Variants in GALNT9 observed in about 807,000 individuals in gnomAD.
GALNT9 encodes the protein GalNAc transferase 9.
In GALNT9, 47 loss-of-function variants were observed where a neutral mutation model predicts 63.1. The observed-to-expected ratio is 0.75, with a 90% CI of 0.59 to 0.95. GALNT9 has a LOEUF of 0.95. Ranked by LOEUF, GALNT9 falls within the 40% of genes least tolerant of loss-of-function variation. The pLI is 0.00. For missense variants in GALNT9, 829 were observed against 874.8 expected, an observed-to-expected ratio of 0.95 and a Z score of 0.66; for synonymous variants, 396 against 365.7, an observed-to-expected ratio of 1.08 and a Z score of -0.94.
At position 132,302,974 on chromosome 12, in the gene GALNT9, G is replaced by GA. The variant is rs1417691287; in HGVS notation, c.239-16545_239-16544insT. Among the ~76,000 whole-genome samples, 16 of 152,248 alleles carry GA rather than the reference G, an allele frequency of 1.1e-4. No homozygotes were observed. The South Asian group carries it at 1.7e-3, about 16-fold the overall frequency. On this transcript the variant is annotated intron_variant, in intron 1 of 10. Transcript: ENST00000328957. ...CCACTCCGGTGACCGTCTAAGGGGG[G>GA]CGAGGGTGGAACCCAGGGGCCTGTG...
chr12:132,200,413 C>T (rs1225002736), intron 8 of GALNT9: 1 of 152,254 alleles, frequency 6.6e-6, no homozygotes, highest in Non-Finnish European at 1.5e-5. Context: ...GTGTGCATAT[C>T]ACCCATTGTG....
At chr12:132,308,410 C>T (rs1377201402) in intron 1 of GALNT9, among the ~76,000 whole-genome samples, 7 of 152,242 alleles carry the variant, frequency 4.6e-5, no homozygotes, top group Non-Finnish European at 1.0e-4. Flanking sequence ...CACCCTGCCC[C>T]GGGCCCCAGC....
chr12:132,271,986 ACT>A lies in GALNT9; in HGVS notation c.420-9363_420-9362del, dbSNP rs1879883707. Among the ~76,000 whole-genome samples, 5 of 151,658 alleles carry A rather than the reference ACT, an allele frequency of 3.3e-5. No homozygotes were observed. The South Asian group carries it at 8.4e-4, about 25-fold the overall frequency. On this transcript the variant is annotated intron_variant, in intron 2 of 10. Transcript: ENST00000328957. ...GGGGACACGTTTGCCAACTGACCAA[ACT>A]CCAGTCACCAGCCACTGCCAGGGCC...
chr12:132,214,209 G>A (rs892959168), intron 6 of GALNT9, among the ~76,000 whole-genome samples: 13 of 152,166 alleles, frequency 8.5e-5, no homozygotes, highest in Admixed American at 2.6e-4. Flanking sequence ...GGAGAACCAC[G>A]CCTGTGATTC....
intron 1 of GALNT9, among the ~76,000 whole-genome samples, chr12:132,303,086 T>C (rs34708049): frequency 0.26 from 37,779 of 146,536 alleles, 5,633 homozygotes; most frequent in East Asian, 0.64. Context: ...TGTCTCTCTC[T>C]CGGGAAAGCC....
intron 3 of GALNT9, among the ~76,000 whole-genome samples, chr12:132,261,761 G>T (rs1454318651): frequency 1.3e-5 from 2 of 152,266 alleles, no homozygotes; most frequent in African/African-American, 4.8e-5. Context: ...TCCAGAGGGA[G>T]TGTCACGGCT....
At chr12:132,312,067 C>G (rs1374451355) in intron 1 of GALNT9, among the ~76,000 whole-genome samples, 3 of 152,218 alleles carry the variant, frequency 2.0e-5, no homozygotes, top group Admixed American at 2.0e-4. Context: ...TCATTACAGA[C>G]TGGTCTTTTA....
intron 1 of GALNT9, among the ~76,000 whole-genome samples, chr12:132,324,449 C>T (rs1368242187): frequency 1.3e-5 from 2 of 152,252 alleles, no homozygotes; most frequent in African/African-American, 4.8e-5. Context: ...GTGCAAGAGA[C>T]GCTGTCCTCG....
Position 132,262,582 on chromosome 12 carries a change from C to T in GALNT9, c.463G>A (p.Val155Met), listed in dbSNP as rs782589651. 2.6e-5 allele frequency: 41 copies of T among 1,551,240 alleles called. No individual in the cohort carries two copies. Among genetic ancestry groups the T allele is most frequent in the African/African-American group, 5.5e-5 (4 of 73,062 alleles). Residue 155 changes from valine to methionine, a missense_variant, in exon 3 of 11, where the codon GTG (valine) becomes ATG (methionine). Coordinates refer to ENST00000328957, the MANE Select transcript of GALNT9 (RefSeq NM_001122636.2). ...GCCTCATTGACGAAGATGAAGACCA[C>T]GGAGACCTGGGGCAGGTCCTGGGCG... ...SYAQDLPQVSVVFIFVNEALS... is the reference protein window; with the variant it reads ...SYAQDLPQVSMVFIFVNEALS...
intron 5 of GALNT9, among the ~76,000 whole-genome samples, chr12:132,251,264 CA>C (rs1878905878): frequency 1.3e-5 from 2 of 152,200 alleles, no homozygotes; most frequent in Admixed American, 6.5e-5. Flanking sequence ...CAACACTTGC[CA>C]CCTTCAATCA....
At chr12:132,292,443 C>T (rs1555242874) in intron 1 of GALNT9, among the ~76,000 whole-genome samples, 1 of 152,234 alleles carries the variant, frequency 6.6e-6, no homozygotes, top group African/African-American at 2.4e-5. Flanking sequence ...CCCAAGGCTT[C>T]ACGGGCTCTG....
At chr12:132,217,567 A>G (rs1480142544) in intron 6 of GALNT9, among the ~76,000 whole-genome samples, 7 of 137,448 alleles carry the variant, frequency 5.1e-5, no homozygotes, top group Admixed American at 1.5e-4. Context: ...CTATCCATCT[A>G]TCCATCCAGC....
intron 2 of GALNT9, among the ~76,000 whole-genome samples, chr12:132,267,610 A>T (rs550000945): frequency 2.2e-4 from 34 of 151,916 alleles, no homozygotes; most frequent in Non-Finnish European, 4.4e-4. Context: ...ACCTCAAGTT[A>T]AGACTGATTT....
At position 132,329,349 on chromosome 12, in the gene GALNT9, A is replaced by C; in HGVS notation, c.-146T>G. ...CGGCCGGAGCTGTCCCTTCAGCACC[A>C]GCTCAGCGCGCCGGGCCACGGCCGC... is the stretch of plus-strand genomic sequence containing the variant. On this transcript the variant is annotated 5_prime_UTR_variant, in exon 1 of 11. Transcript: ENST00000328957. The C allele has an allele frequency of 8.1e-7, 1 of 1,228,100 alleles. No homozygotes were observed. Among genetic ancestry groups the C allele is most frequent in the Non-Finnish European group, 1.1e-6 (1 of 946,002 alleles). The allele number at this position is 1,228,100 out of a possible 1,614,324, so 76.1% of individuals were successfully genotyped here.
chr12:132,219,470 G>A (rs1284736271), intron 6 of GALNT9, among the ~76,000 whole-genome samples: 1 of 152,150 alleles, frequency 6.6e-6, no homozygotes, highest in East Asian at 1.9e-4. Flanking sequence ...GGCGGGACAG[G>A]TGCCGGGCGT....
chr12:132,322,723 G>A (rs1464398359), intron 1 of GALNT9, among the ~76,000 whole-genome samples: 2 of 152,334 alleles, frequency 1.3e-5, no homozygotes, highest in South Asian at 2.1e-4. Flanking sequence ...GGCTTCCTGG[G>A]AGGGCCTGGT....
chr12:132,280,903 T>G (rs1290178086), intron 2 of GALNT9: 5 of 152,350 alleles, frequency 3.3e-5, no homozygotes, highest in African/African-American at 1.2e-4. Context: ...TAACCTTTCC[T>G]GCCTCAGTTT....
intron 1 of GALNT9, among the ~76,000 whole-genome samples, chr12:132,308,957 G>A (rs893571375): frequency 2.0e-5 from 3 of 152,212 alleles, no homozygotes; most frequent in South Asian, 2.1e-4. Flanking sequence ...GGCAGGAGGC[G>A]GCTGTGGAGC....
rs1878095904 is a variant in GALNT9 at position 132,238,732 on chromosome 12, G to A, written c.1077+9178C>T. Among the ~76,000 whole-genome samples the A allele has an allele frequency of 6.6e-6, 1 of 152,190 alleles. No homozygotes were observed. The highest frequency in any genetic ancestry group is 6.5e-5 in the Admixed American group (1 of 15,284). The stretch of plus-strand genomic sequence containing the variant: ...TCCCCAGGGCTGTGGGAGGGGCCAG[G>A]AGAATGACAGCCTGATTCCTCCGCC... On this transcript the variant is annotated intron_variant, in intron 6 of 10. Coordinates refer to ENST00000328957, the MANE Select transcript of GALNT9 (RefSeq NM_001122636.2). The surrounding 1 kb of genome is among the most constrained non-coding windows in gnomAD (Gnocchi z 6.5).
Sources: gnomAD v4.1 joint callset for allele counts (sites outside exome capture counted in the v4.1 genomes callset) on GRCh38, gnomAD v4.1.1 for gene constraint, Gnocchi (gnomAD v3.1) non-coding constraint, MANE v1.5 for transcripts, NCBI Gene and HGNC (gene_info 2026-07-23, HGNC 2026-07-21) for gene names.